PTBP2: variants seen among roughly 807,000 people sequenced by gnomAD.
The protein encoded by PTBP2 is polypyrimidine tract binding protein 2.
A neutral mutation model predicts 61.4 loss-of-function variants in PTBP2; 13 were observed. The observed-to-expected ratio is 0.21, with a 90% CI of 0.14 to 0.34. PTBP2 has a LOEUF of 0.34. PTBP2 is among the 10% of genes least tolerant of loss of function. PTBP2 has a pLI of 1.00. For synonymous variants in PTBP2, 215 were observed against 218.5 expected (o/e 0.98, Z 0.14); for missense variants, 405 against 642.6 (o/e 0.63, Z 4.00).
downstream of PTBP2, chr1:96,818,848 C>G (rs760052130): frequency 6.6e-6 from 1 of 151,962 alleles, no homozygotes. Flanking sequence ...TTCTAGAGAT[C>G]AAATGAATAG....
At chr1:96,753,129 A>G (rs1654771858) in intron 3 of PTBP2, among the ~76,000 whole-genome samples, 2 of 152,174 alleles carry the variant, frequency 1.3e-5, no homozygotes. Context: ...CTTCATTCAC[A>G]GTTTTGGATA....
At chr1:96,762,870 C>T (rs1344022714) in intron 3 of PTBP2, among the ~76,000 whole-genome samples, 1 of 151,596 alleles carries the variant, frequency 6.6e-6, no homozygotes, top group Non-Finnish European at 1.5e-5. Flanking sequence ...GATGGGGCGG[C>T]CGGGCCGAGA....
intron 5 of PTBP2, chr1:96,771,525 C>G (rs891501313): frequency 6.6e-6 from 1 of 151,672 alleles, no homozygotes; most frequent in Admixed American, 6.6e-5. Flanking sequence ...TACAAAGTGA[C>G]AAAATCATTT....
chr1:96,752,426 GAC>G (rs772072595), intron 3 of PTBP2, among the ~76,000 whole-genome samples: 1 of 151,964 alleles, frequency 6.6e-6, no homozygotes, highest in Non-Finnish European at 1.5e-5. Flanking sequence ...CATACATCTT[GAC>G]ACACACAAAC....
chr1:96,772,666 T>C (rs1230638174), intron 5 of PTBP2, among the ~76,000 whole-genome samples: 1 of 152,118 alleles, frequency 6.6e-6, no homozygotes, highest in East Asian at 1.9e-4. Flanking sequence ...TGAGATAATG[T>C]GTTATTTGTC....
intron 8 of PTBP2, among the ~76,000 whole-genome samples, chr1:96,800,011 T>C (rs1660811054): frequency 6.6e-6 from 1 of 152,220 alleles, no homozygotes; most frequent in African/African-American, 2.4e-5. Context: ...AAGTAGTTTT[T>C]CTAAGTTATC....
At chr1:96,759,266 T>G (rs1655516649) in intron 3 of PTBP2, among the ~76,000 whole-genome samples, 1 of 152,192 alleles carries the variant, frequency 6.6e-6, no homozygotes, top group South Asian at 2.1e-4. Context: ...ATTCTAAAAT[T>G]TATGTGGAAA....
chr1:96,781,594 G>A (rs1310935670), intron 7 of PTBP2, among the ~76,000 whole-genome samples: 2 of 151,736 alleles, frequency 1.3e-5, no homozygotes, highest in South Asian at 2.1e-4. Flanking sequence ...TGTCTTTCAA[G>A]TATCAGTTTA....
intron 4 of PTBP2, among the ~76,000 whole-genome samples, chr1:96,770,252 A>C (rs1387048605): frequency 6.6e-6 from 1 of 152,064 alleles, no homozygotes; most frequent in African/African-American, 2.4e-5. Flanking sequence ...ATGTTAAATG[A>C]TACCATTTAG....
At position 96,770,147 on chromosome 1, in the gene PTBP2, T is replaced by C. The variant is rs537967749; in HGVS notation, c.288+272T>C. Among the ~76,000 whole-genome samples the C allele has an allele frequency of 3.3e-5, 5 of 152,152 alleles. No homozygotes were observed. In the East Asian group the frequency reaches 9.6e-4, roughly 29 times the overall value. ...TGGAAAATACAAATGAAGTATTTCT[T>C]TTACTGTGGCTCTGTTCTTTGGTAT... is the stretch of plus-strand genomic sequence containing the variant. On this transcript the variant is annotated intron_variant, in intron 4 of 13. Transcript: ENST00000674951.
intron 8 of PTBP2, among the ~76,000 whole-genome samples, chr1:96,790,773 G>T (rs1659704615): frequency 6.6e-6 from 1 of 152,102 alleles, no homozygotes; most frequent in Non-Finnish European, 1.5e-5. Context: ...GGTTCTGGTA[G>T]CCCAGAGTGG....
chr1:96,774,558 G>A (rs781179320), intron 5 of PTBP2, among the ~76,000 whole-genome samples: 35 of 152,090 alleles, frequency 2.3e-4, no homozygotes, highest in Non-Finnish European at 4.0e-4. Context: ...TTTCACATCC[G>A]TTCATGAAAT....
chr1:96,731,562 A>G (rs1651414544), intron 2 of PTBP2, among the ~76,000 whole-genome samples: 4 of 152,096 alleles, frequency 2.6e-5, no homozygotes, highest in Admixed American at 1.3e-4. Context: ...CAGCTTCTTC[A>G]CCTTTTAAAT....
chr1:96,726,285 T>A (rs1166847112), intron 2 of PTBP2, among the ~76,000 whole-genome samples: 10 of 149,254 alleles, frequency 6.7e-5, no homozygotes, highest in Non-Finnish European at 4.5e-5. Context: ...CTTTTTTTTT[T>A]TTTTTTGAGT....
intron 8 of PTBP2, among the ~76,000 whole-genome samples, chr1:96,793,900 A>C (rs1660106014): frequency 6.6e-6 from 1 of 152,208 alleles, no homozygotes; most frequent in Non-Finnish European, 1.5e-5. Context: ...AAAAAATGTT[A>C]CTACGTCATT....
intron 3 of PTBP2, among the ~76,000 whole-genome samples, chr1:96,763,564 T>G (rs1227917509): frequency 8.6e-6 from 1 of 116,644 alleles, no homozygotes; most frequent in Admixed American, 1.1e-4. Flanking sequence ...AGAGGGAGAC[T>G]GTGGAAAGAG....
At chr1:96,744,488 C>G (rs530209558) in intron 2 of PTBP2, among the ~76,000 whole-genome samples, 1 of 152,120 alleles carries the variant, frequency 6.6e-6, no homozygotes, top group African/African-American at 2.4e-5. Flanking sequence ...TTACATAGAA[C>G]AGAAGACCAG....
In PTBP2 at chr1:96,760,395, CTT is replaced by C. The variant is rs1028450686; in HGVS notation, c.115+8897_115+8898del. Among the ~76,000 whole-genome samples the C allele has an allele frequency of 3.6e-4, 50 of 138,234 alleles. 1 individual carries two copies. The highest frequency in any genetic ancestry group is 9.2e-5 in the Non-Finnish European group (6 of 65,474). The allele number at this position is 138,234 out of a possible 152,430, so 90.7% of individuals were successfully genotyped here. ...AATGTTGATGAAGATGTGGAACTGT[CTT>C]TAATTACTGCTGAGTATATAACATA... On this transcript the variant is annotated intron_variant, in intron 3 of 13. Transcript: ENST00000674951.
At chr1:96,724,232 A>G (rs976837432) in intron 2 of PTBP2, among the ~76,000 whole-genome samples, 1 of 149,146 alleles carries the variant, frequency 6.7e-6, no homozygotes, top group Admixed American at 6.9e-5. Context: ...TTTTAATGTC[A>G]TGATGTATTG....
Sources: allele counts gnomAD v4.1 joint callset (sites outside exome capture counted in the v4.1 genomes callset), GRCh38; gene constraint gnomAD v4.1.1; transcripts MANE v1.5; gene names NCBI Gene and HGNC (gene_info 2026-07-23, HGNC 2026-07-21).